Variants in INPP5D observed in about 807,000 individuals in gnomAD.
The protein encoded by INPP5D is inositol polyphosphate-5-phosphatase D.
In INPP5D, 33 loss-of-function variants were observed where a neutral mutation model predicts 122.9. That is an observed-to-expected ratio of 0.27 (90% CI 0.20 to 0.36). The LOEUF (loss-of-function observed/expected upper bound fraction) is 0.36, where lower values mean the gene tolerates loss of function less well. Among genes scored for constraint, INPP5D ranks in the 10% least tolerant of loss-of-function variants. The probability of loss-of-function intolerance (pLI) is 1.00; values close to 1 mark genes in which losing one functional copy is unlikely to be tolerated. For synonymous variants in INPP5D, 584 were observed against 576.2 expected (o/e 1.01, Z -0.19); for missense variants, 1,053 against 1,412.7 (o/e 0.75, Z 4.08).
intron 4 of INPP5D, among the ~76,000 whole-genome samples, chr2:233,127,913 C>G (rs1331106221): frequency 6.6e-6 from 1 of 152,172 alleles, no homozygotes; most frequent in Non-Finnish European, 1.5e-5. Flanking sequence ...CAGCCTACCA[C>G]AAACATTTTA....
In INPP5D at chr2:233,189,589, G is replaced by A. The variant is rs952549837; in HGVS notation, c.2359-261G>A. On this transcript the variant is annotated intron_variant, in intron 21 of 26. Transcript: ENST00000445964. The surrounding 1 kb of genome is among the most constrained non-coding windows in gnomAD (Gnocchi z 5.6). The stretch of plus-strand genomic sequence containing the variant: ...CCATCTGGGGTCAGGCCTTCTTGCT[G>A]GGACCTGGGAGCCAGCTCAGTTTAG... Among the ~76,000 whole-genome samples the A allele has an allele frequency of 2.6e-5, 4 of 152,152 alleles. No homozygotes were observed. Among genetic ancestry groups the A allele is most frequent in the Non-Finnish European group, 5.9e-5 (4 of 68,022 alleles).
chr2:233,152,252 C>T (rs2106284742), intron 9 of INPP5D, among the ~76,000 whole-genome samples: 1 of 152,214 alleles, frequency 6.6e-6, no homozygotes, highest in South Asian at 2.1e-4. Context: ...CAGAGCGGTG[C>T]TCGCCTGGAG....
intron 2 of INPP5D, among the ~76,000 whole-genome samples, chr2:233,099,707 A>C (rs998389387): frequency 2.0e-5 from 3 of 152,220 alleles, no homozygotes; most frequent in African/African-American, 7.2e-5. Context: ...ATTTCTACAT[A>C]ATAATCTGGA....
chr2:233,204,588 G>A lies in INPP5D; in HGVS notation c.3438G>A (p.Lys1146=). 1 of 1,567,590 alleles carries A rather than the reference G, an allele frequency of 6.4e-7. No homozygotes were observed. Among genetic ancestry groups the A allele is most frequent in the Non-Finnish European group, 8.6e-7 (1 of 1,157,556 alleles). Residue 1146 remains lysine (K), a synonymous_variant, in exon 26 of 27, where the codon AAG becomes AAA. Transcript: ENST00000445964. ...TPTPRPPLPV[K]SPAVLHLQHS... is the part of the protein sequence containing the mutation. ...CGCCGCGGCCGCCGCTGCCAGTCAA[G>A]AGCCCGGCGGTGCTGCACCTCCAGC...
chr2:233,193,460 G>C (rs910852375), intron 22 of INPP5D, among the ~76,000 whole-genome samples: 1 of 152,120 alleles, frequency 6.6e-6, no homozygotes, highest in African/African-American at 2.4e-5. Context: ...TTTTTTCTCT[G>C]TGCAAGTTTT....
Position 233,170,634 on chromosome 2 carries a change from T to G in INPP5D, c.1900+30T>G. ...GAGCAGCAACCCCGGCTGGGAGCGGTGGCTCACACCTGTAATCCCAGCACT... is the reference window on the plus strand; with the variant it reads ...GAGCAGCAACCCCGGCTGGGAGCGGGGGCTCACACCTGTAATCCCAGCACT... On this transcript the variant is annotated intron_variant, in intron 16 of 26. Transcript: ENST00000445964. The surrounding 1 kb of genome is among the most constrained non-coding windows in gnomAD (Gnocchi z 4.5). 1 of 1,609,326 alleles carries G rather than the reference T, an allele frequency of 6.2e-7. No homozygotes were observed. The highest frequency in any genetic ancestry group is 8.5e-7 in the Non-Finnish European group (1 of 1,177,750).
intron 22 of INPP5D, among the ~76,000 whole-genome samples, chr2:233,193,070 G>A (rs144392674): frequency 3.6e-3 from 547 of 152,316 alleles, no homozygotes; most frequent in Non-Finnish European, 5.3e-3. Flanking sequence ...GTAATTTTTC[G>A]TAGAGAGGGG....
At chr2:233,143,137 G>A (rs918862497) in intron 6 of INPP5D, among the ~76,000 whole-genome samples, 1 of 152,152 alleles carries the variant, frequency 6.6e-6, no homozygotes, top group African/African-American at 2.4e-5. Flanking sequence ...AGACATGTGA[G>A]GATTAGATGA....
Position 233,206,050 on chromosome 2 carries a change from G to T in INPP5D, c.3568-656G>T, listed in dbSNP as rs1279016269. Among the ~76,000 whole-genome samples the T allele has an allele frequency of 6.6e-6, 1 of 152,152 alleles. No homozygotes were observed. On this transcript the variant is annotated intron_variant, in intron 26 of 26. Coordinates refer to ENST00000445964, the MANE Select transcript of INPP5D (RefSeq NM_001017915.3). The surrounding 1 kb of genome is among the most constrained non-coding windows in gnomAD (Gnocchi z 4.0). ...ACCGAGATCGCAACACTGCACTCCA[G>T]CCTGGGCGACAGAGTGAGACTCCAT...
rs540383614 is a variant in INPP5D at position 233,194,856 on chromosome 2, C to A, written c.2597-543C>A. 2.0e-5 allele frequency among the ~76,000 whole-genome samples: 3 copies of A among 152,150 alleles called. No homozygotes were observed. In the South Asian group the frequency reaches 6.2e-4, roughly 32 times the overall value. On this transcript the variant is annotated intron_variant, in intron 23 of 26. Transcript: ENST00000445964. Reference sequence around the variant, plus strand: ...TTACTCTGTAGCCCAGGCTAGAGTGCAGTGGCACAATCTCAGATCACTGCA... The same window carrying A: ...TTACTCTGTAGCCCAGGCTAGAGTGAAGTGGCACAATCTCAGATCACTGCA...
chr2:233,178,272 G>C (rs752404292), intron 18 of INPP5D, among the ~76,000 whole-genome samples: 37 of 151,982 alleles, frequency 2.4e-4, no homozygotes, highest in Non-Finnish European at 4.6e-4. Context: ...TGAAAAAAAT[G>C]AAAGAAAGAA....
chr2:233,176,481 GTGA>G (rs1694637888), intron 17 of INPP5D, among the ~76,000 whole-genome samples: 1 of 40 alleles, frequency 0.025, no homozygotes, highest in Non-Finnish European at 0.036. Flanking sequence ...GGATAGGTGG[GTGA>G]ATGGGTGAAT....
chr2:233,168,069 T>C (rs1333714686), intron 13 of INPP5D, among the ~76,000 whole-genome samples: 6 of 142,918 alleles, frequency 4.2e-5, no homozygotes, highest in African/African-American at 1.3e-4. Flanking sequence ...AAATAGATCA[T>C]AAATAAATAG....
chr2:233,083,542 CTGTCCCACACCAAGAGAGTGGGTTTCT>C, intron 2 of INPP5D, among the ~76,000 whole-genome samples: 1 of 152,346 alleles, frequency 6.6e-6, no homozygotes, highest in South Asian at 2.1e-4. Flanking sequence ...GCAGGCCTGA[CTGTCCCACACCAAGAGAGTGGGTTTCT>C]TGTAAAGCCA....
At chr2:233,071,541 G>A (rs537409096) in intron 1 of INPP5D, among the ~76,000 whole-genome samples, 12 of 152,060 alleles carry the variant, frequency 7.9e-5, no homozygotes, top group Non-Finnish European at 1.2e-4. Flanking sequence ...TATTCTTCCA[G>A]GTGAACCAGC....
At chr2:233,167,207 C>CA (rs565735597) in intron 13 of INPP5D, among the ~76,000 whole-genome samples, 23,007 of 102,120 alleles carry the variant, frequency 0.23, 2,363 homozygotes, top group East Asian at 0.3. Flanking sequence ...ACCATTTCTA[C>CA]AAAAAAAAAA....
At chr2:233,180,830 T>C (rs11684564) in intron 18 of INPP5D, among the ~76,000 whole-genome samples, 21,401 of 55,326 alleles carry the variant, frequency 0.39, 5,315 homozygotes, top group African/African-American at 0.61. Flanking sequence ...CCCACCACCA[T>C]GCCCAGCTAA....
At chr2:233,079,485 A>C in intron 2 of INPP5D, 87 bp downstream of exon 2, 1 of 875,036 alleles carries the variant, frequency 1.1e-6, no homozygotes, top group Non-Finnish European at 1.9e-6. Flanking sequence ...AAGGAAGTGC[A>C]CGCGCAGGTA....
At chr2:233,090,978 AG>A (rs1307154434) in intron 2 of INPP5D, among the ~76,000 whole-genome samples, 2 of 151,752 alleles carry the variant, frequency 1.3e-5, no homozygotes, top group African/African-American at 4.8e-5. Flanking sequence ...AAAAAAAAAA[AG>A]AAGTAACTTG....
Sources: gnomAD v4.1 joint callset for allele counts (sites outside exome capture counted in the v4.1 genomes callset) on GRCh38, gnomAD v4.1.1 for gene constraint, Gnocchi (gnomAD v3.1) non-coding constraint, MANE v1.5 for transcripts, NCBI Gene and HGNC (gene_info 2026-07-23, HGNC 2026-07-21) for gene names.